HGF: variants seen among roughly 807,000 people sequenced by gnomAD.
The protein encoded by HGF is hepatocyte growth factor.
In HGF, 39 loss-of-function variants were observed where a neutral mutation model predicts 111.6. That is an observed-to-expected ratio of 0.35 (90% confidence interval 0.27 to 0.46). The LOEUF (loss-of-function observed/expected upper bound fraction) is 0.46. HGF is among the 20% of genes least tolerant of loss of function. HGF has a pLI of 1.00. For synonymous variants in HGF, 285 were observed against 294.8 expected, an observed-to-expected ratio of 0.97 and a Z score of 0.34; for missense variants, 735 against 910.5, an observed-to-expected ratio of 0.81 and a Z score of 2.48.
At chr7:81,767,307 AC>A (rs1731033304) in intron 1 of HGF, among the ~76,000 whole-genome samples, 1 of 151,950 alleles carries the variant, frequency 6.6e-6, no homozygotes, top group East Asian at 1.9e-4. Context: ...AAAAAAAAAA[AC>A]ACCACATAGT....
Position 81,706,309 on chromosome 7 carries a change from G to C in HGF, c.1735C>G (p.Leu579Val), listed in dbSNP as rs1789424748. 3 of 1,612,674 alleles carry C rather than the reference G, an allele frequency of 1.9e-6. No homozygotes were observed. The highest frequency in any genetic ancestry group is 2.5e-6 in the Non-Finnish European group (3 of 1,179,082). ...QLVYGPEGSD[L>V]VLMKLARPAV... ...AACCTGGCAAGCTTCATTAAAACCA[G>C]ATCTGATCCTTCAGGGCCATATACC... Residue 579 changes from leucine to valine, a missense_variant, in exon 15 of 18, where the codon CTG becomes GTG. Physicochemically the swap from Leu to Val is conservative, Grantham distance 32 (BLOSUM62 1). This residue lies in a region of HGF where 130 missense variants were observed against 129.9 expected (regional missense o/e 1.00). Coordinates refer to ENST00000222390, the MANE Select transcript of HGF (RefSeq NM_000601.6).
At chr7:81,764,783 C>G (rs909410482) in intron 1 of HGF, among the ~76,000 whole-genome samples, 1 of 151,940 alleles carries the variant, frequency 6.6e-6, no homozygotes, top group African/African-American at 2.4e-5. Context: ...TAATTCATTT[C>G]AAATTTTGAT....
At chr7:81,742,945 T>G (rs753332987) in intron 7 of HGF, 1 of 1,613,354 alleles carries the variant, frequency 6.2e-7, no homozygotes, top group South Asian at 1.1e-5. Context: ...GCCCATGTTA[T>G]GTCTCTGGGG....
At chr7:81,741,286 A>AT (rs139203971) in intron 7 of HGF, among the ~76,000 whole-genome samples, 6,144 of 152,164 alleles carry the variant, frequency 0.04, 458 homozygotes, top group African/African-American at 0.14. Flanking sequence ...TTCTGGTATC[A>AT]TTTTTTTAGA....
At chr7:81,712,766 C>G (rs1789606264) in intron 11 of HGF, among the ~76,000 whole-genome samples, 1 of 152,240 alleles carries the variant, frequency 6.6e-6, no homozygotes, top group South Asian at 2.1e-4. Context: ...AGCAACAAAC[C>G]AATAATGTAT....
chr7:81,708,953 TA>T (rs908824553), intron 13 of HGF, among the ~76,000 whole-genome samples: 1 of 152,056 alleles, frequency 6.6e-6, no homozygotes, highest in Non-Finnish European at 1.5e-5. Flanking sequence ...AAGGGTATAC[TA>T]AAAAAAGAAC....
chr7:81,702,360 T>C lies in HGF; in HGVS notation c.*221A>G, dbSNP rs544879896. The stretch of plus-strand genomic sequence containing the variant: ...CAAGTATCTTCAGGAGATATGTTAT[T>C]ACACTTGCATGTACCTTAATTCACT... On this transcript the variant is annotated 3_prime_UTR_variant, in exon 18 of 18. Transcript: ENST00000222390. 83 of 508,022 alleles carry C rather than the reference T, an allele frequency of 1.6e-4. No individual in the cohort carries two copies. The Middle Eastern group carries it at 2.7e-3, about 17-fold the overall frequency. The allele number at this position is 508,022 out of a possible 1,614,324, so 31.5% of individuals were successfully genotyped here.
At chr7:81,737,791 AATATAGAAAAAC>A (rs1446986818) in intron 7 of HGF, among the ~76,000 whole-genome samples, 1 of 152,140 alleles carries the variant, frequency 6.6e-6, no homozygotes, top group Non-Finnish European at 1.5e-5. Context: ...TTTAATTTCT[AATATAGAAAAAC>A]ATGGATTCAT....
chr7:81,720,484 G>A (rs1485326045), intron 10 of HGF, among the ~76,000 whole-genome samples: 1 of 152,080 alleles, frequency 6.6e-6, no homozygotes, highest in African/African-American at 2.4e-5. Flanking sequence ...ACTTTTTGTT[G>A]ATGTTCCCCA....
chr7:81,724,151 T>G (rs2115892738), intron 9 of HGF, among the ~76,000 whole-genome samples: 1 of 152,284 alleles, frequency 6.6e-6, no homozygotes, highest in East Asian at 1.9e-4. Flanking sequence ...TTAACAAATG[T>G]TCAAGTAAAT....
At chr7:81,730,933 C>T (rs557982141) in intron 7 of HGF, among the ~76,000 whole-genome samples, 1 of 152,182 alleles carries the variant, frequency 6.6e-6, no homozygotes, top group Non-Finnish European at 1.5e-5. Context: ...GGATGTACCA[C>T]TGTACGAAGG....
At chr7:81,753,196 C>T in intron 4 of HGF, among the ~76,000 whole-genome samples, 1 of 152,022 alleles carries the variant, frequency 6.6e-6, no homozygotes, top group South Asian at 2.1e-4. Context: ...TATTTTAACA[C>T]ATTAGAAAAG....
chr7:81,757,209 G>T lies in HGF; in HGVS notation c.462C>A (p.Ser154=). ...KSGIKCQPWS[S]MIPHEHSFLP... ...CTTACCTGTGTTCGTGTGGTATCAT[G>T]GAACTCCAGGGCTGACATTTGATGC... The change falls in exon 4 of 18, where the codon TCC becomes TCA. Residue 154 remains serine, a synonymous_variant. Transcript: ENST00000222390. 6.3e-7 allele frequency: 1 copy of T among 1,582,312 alleles called. No individual in the cohort carries two copies. Among genetic ancestry groups the T allele is most frequent in the Non-Finnish European group, 8.7e-7 (1 of 1,151,054 alleles).
chr7:81,742,976 A>G (rs1344971948), intron 7 of HGF: 11 of 1,608,686 alleles, frequency 6.8e-6, no homozygotes, highest in Non-Finnish European at 9.4e-6. Context: ...GGTAAAGGAT[A>G]CAGGATTGGA....
Position 81,699,958 on chromosome 7 carries a change from A to G in HGF, c.*2623T>C, listed in dbSNP as rs1458693076. On this transcript the variant is annotated 3_prime_UTR_variant, in exon 18 of 18. Coordinates refer to ENST00000222390, the MANE Select transcript of HGF (RefSeq NM_000601.6). The stretch of plus-strand genomic sequence containing the variant: ...TTTTACAATAAAATTAAAGAAGTAT[A>G]CAAAAGGATTATCATTCCTTCTGCA... 1 of 151,752 alleles carries G rather than the reference A, an allele frequency of 6.6e-6. No homozygotes were observed. The highest frequency in any genetic ancestry group is 6.6e-5 in the Admixed American group (1 of 15,172). The allele number at this position is 151,752 out of a possible 1,614,324, so 9.4% of individuals were successfully genotyped here. A position where few individuals can be genotyped will look rare whatever the true frequency, so the allele number is the denominator to read the frequency against.
Position 81,743,472 on chromosome 7 carries a change from C to G in HGF, c.747-1G>C, listed in dbSNP as rs2116025878. 6.3e-7 allele frequency: 1 copy of G among 1,578,680 alleles called. No homozygotes were observed. The highest frequency in any genetic ancestry group is 8.7e-7 in the Non-Finnish European group (1 of 1,147,578). ...ATCATCAAAGCCCTTGTCGGGATAT[C>G]TGCAAACCACACCAAGAAAAGTGTC... On this transcript the variant is annotated splice_acceptor_variant, in intron 6 of 17. Coordinates refer to ENST00000222390, the MANE Select transcript of HGF (RefSeq NM_000601.6). LOFTEE classifies it high-confidence loss of function.
At chr7:81,715,875 CAAGAAAAACATTCTTAAAACA>C (rs940370721) in intron 11 of HGF, among the ~76,000 whole-genome samples, 1 of 152,054 alleles carries the variant, frequency 6.6e-6, no homozygotes, top group African/African-American at 2.4e-5. Context: ...GCTTGTCTCA[CAAGAAAAACATTCTTAAAACA>C]AAGTTTTTAT....
intron 7 of HGF, chr7:81,742,754 A>C: frequency 6.7e-7 from 1 of 1,489,414 alleles, no homozygotes; most frequent in East Asian, 2.5e-5. Flanking sequence ...CATGTAGAAA[A>C]ATGATTGTAT....
At chr7:81,747,687 A>G (rs1788327596) in intron 5 of HGF, among the ~76,000 whole-genome samples, 1 of 152,190 alleles carries the variant, frequency 6.6e-6, no homozygotes, top group Non-Finnish European at 1.5e-5. Flanking sequence ...TACTTTTAAC[A>G]TAAAAGGTAT....
Sources: gnomAD v4.1 joint callset for allele counts (sites outside exome capture counted in the v4.1 genomes callset) on GRCh38, gnomAD v4.1.1 for gene constraint, gnomAD v4.1.1 regional missense constraint, MANE v1.5 for transcripts, NCBI Gene and HGNC (gene_info 2026-07-23, HGNC 2026-07-21) for gene names.